Variants in SLC1A2 observed in about 807,000 individuals in gnomAD.
The protein encoded by SLC1A2 is excitatory amino acid transporter 2.
SLC1A2 carries 15 observed loss-of-function variants against 48.8 expected under a neutral mutation model. That is an observed-to-expected ratio of 0.31 (90% CI 0.21 to 0.47). The LOEUF (loss-of-function observed/expected upper bound fraction) is 0.47. Among genes scored for constraint, SLC1A2 ranks in the 20% least tolerant of loss-of-function variants. SLC1A2 has a pLI of 0.99. For missense variants in SLC1A2, 502 were observed against 730.5 expected, an observed-to-expected ratio of 0.69 and a Z score of 3.61; for synonymous variants, 279 against 272.6, an observed-to-expected ratio of 1.02 and a Z score of -0.23.
At chr11:35,304,834 T>C (rs1393240487) in intron 5 of SLC1A2, among the ~76,000 whole-genome samples, 1 of 152,230 alleles carries the variant, frequency 6.6e-6, no homozygotes, top group East Asian at 1.9e-4. Flanking sequence ...TATTATTATG[T>C]CCCATGCAAT....
chr11:35,364,740 A>G (rs1034641321), intron 1 of SLC1A2, among the ~76,000 whole-genome samples: 6 of 152,214 alleles, frequency 3.9e-5, no homozygotes, highest in African/African-American at 1.4e-4. Flanking sequence ...GGTGCCTGGA[A>G]CATCACCTGC....
chr11:35,265,055 TCTCCCAC>T (rs1950458352), intron 10 of SLC1A2: 1 of 158,124 alleles, frequency 6.3e-6, no homozygotes, highest in Non-Finnish European at 1.4e-5. Context: ...TTCACGCCAT[TCTCCCAC>T]CTCAGCCTCC....
rs537943300 is a variant in SLC1A2, at chr11:35,388,760, C to A, written c.17+30190G>T. On this transcript the variant is annotated intron_variant, in intron 1 of 10. Coordinates refer to ENST00000278379, the MANE Select transcript of SLC1A2 (RefSeq NM_004171.4). Reference sequence around the variant, plus strand: ...TGTGAGCATGTAGAGCCTATGCCTCCTTCACATTTGTTTCCCAGCAGGATA... The same window carrying A: ...TGTGAGCATGTAGAGCCTATGCCTCATTCACATTTGTTTCCCAGCAGGATA... 2.0e-5 allele frequency among the ~76,000 whole-genome samples: 3 copies of A among 152,300 alleles called. No individual in the cohort carries two copies. The East Asian group carries it at 5.8e-4, about 29-fold the overall frequency.
chr11:35,383,146 G>A (rs1854484423), intron 1 of SLC1A2, among the ~76,000 whole-genome samples: 2 of 152,132 alleles, frequency 1.3e-5, no homozygotes, highest in African/African-American at 4.8e-5. Flanking sequence ...TGTATTAAAA[G>A]TTATGTCAAA....
intron 1 of SLC1A2, among the ~76,000 whole-genome samples, chr11:35,408,289 C>T (rs551545343): frequency 8.3e-4 from 127 of 152,180 alleles, no homozygotes; most frequent in Non-Finnish European, 1.5e-3. Flanking sequence ...AGTGCCTCAT[C>T]CCCCTTGATA....
At chr11:35,280,083 T>C (rs1189037245) in intron 9 of SLC1A2, among the ~76,000 whole-genome samples, 5 of 152,222 alleles carry the variant, frequency 3.3e-5, no homozygotes, top group Non-Finnish European at 7.3e-5. Flanking sequence ...TTTCTGTCAC[T>C]CCCAAAGGTT....
Position 35,254,137 on chromosome 11 carries a change from G to C in SLC1A2, c.*6757C>G, listed in dbSNP as rs1259154244. The C allele has an allele frequency of 1.3e-5, 2 of 152,620 alleles. No individual in the cohort carries two copies. Among genetic ancestry groups the C allele is most frequent in the African/African-American group, 2.4e-5 (1 of 41,434 alleles). 9.5% of individuals were successfully genotyped at this position (152,620 alleles called of 1,614,324 possible). The stretch of plus-strand genomic sequence containing the variant: ...GCCAAAATATATCTGCTGGCAACAA[G>C]ATCAAGTTAGATTCACAGTTTGCCA... On this transcript the variant is annotated 3_prime_UTR_variant, in exon 11 of 11. Coordinates refer to ENST00000278379, the MANE Select transcript of SLC1A2 (RefSeq NM_004171.4).
chr11:35,363,050 TCACAAAGCAGG>T (rs1853732710), intron 1 of SLC1A2, among the ~76,000 whole-genome samples: 7 of 152,164 alleles, frequency 4.6e-5, no homozygotes, highest in African/African-American at 1.4e-4. Flanking sequence ...TTGCTGAAGT[TCACAAAGCAGG>T]TCAGCGGCAG....
intron 1 of SLC1A2, among the ~76,000 whole-genome samples, chr11:35,334,471 T>G (rs1468414127): frequency 6.6e-6 from 1 of 152,212 alleles, no homozygotes; most frequent in Admixed American, 6.5e-5. Flanking sequence ...AGATGTCACA[T>G]AATTTACAAC....
At chr11:35,415,097 C>G (rs1041177975) in intron 1 of SLC1A2, among the ~76,000 whole-genome samples, 8 of 152,192 alleles carry the variant, frequency 5.3e-5, no homozygotes, top group African/African-American at 1.9e-4. Context: ...ACCCAGAAAT[C>G]TCACACTTAG....
intron 1 of SLC1A2, among the ~76,000 whole-genome samples, chr11:35,329,510 T>G (rs1201470396): frequency 1.3e-5 from 2 of 152,186 alleles, no homozygotes; most frequent in Admixed American, 6.5e-5. Context: ...AATTTTCCTG[T>G]AAAACTAAAA....
chr11:35,260,752 C>A lies in SLC1A2; in HGVS notation c.*142G>T. The stretch of plus-strand genomic sequence containing the variant: ...GCCTGTCATCACTGACTCACAAGAG[C>A]TCCTCTAAGCCTCGGCTAACAGATT... On this transcript the variant is annotated 3_prime_UTR_variant, in exon 11 of 11. Coordinates refer to ENST00000278379, the MANE Select transcript of SLC1A2 (RefSeq NM_004171.4). 1.5e-6 allele frequency: 1 copy of A among 654,526 alleles called. No individual in the cohort carries two copies. The highest frequency in any genetic ancestry group is 2.7e-6 in the Non-Finnish European group (1 of 369,074). 40.5% of individuals were successfully genotyped at this position (654,526 alleles called of 1,614,324 possible).
chr11:35,410,750 T>C (rs1855433626), intron 1 of SLC1A2, among the ~76,000 whole-genome samples: 3 of 152,180 alleles, frequency 2.0e-5, no homozygotes, highest in African/African-American at 7.2e-5. Flanking sequence ...ATCTCTTTCC[T>C]CAATTCAGGA....
intron 1 of SLC1A2, among the ~76,000 whole-genome samples, chr11:35,402,278 A>G (rs983247744): frequency 6.6e-6 from 1 of 151,994 alleles, no homozygotes; most frequent in East Asian, 1.9e-4. Flanking sequence ...CAGGGAGGGG[A>G]GAGGGGCTGG....
chr11:35,325,789 C>T (rs1383258131), intron 1 of SLC1A2, among the ~76,000 whole-genome samples: 1 of 151,920 alleles, frequency 6.6e-6, no homozygotes, highest in East Asian at 1.9e-4. Context: ...ATAGTGAAAC[C>T]CTGTCTCTAC....
At chr11:35,342,006 A>C (rs1047655175) in intron 1 of SLC1A2, among the ~76,000 whole-genome samples, 1 of 152,250 alleles carries the variant, frequency 6.6e-6, no homozygotes, top group Non-Finnish European at 1.5e-5. Flanking sequence ...TGAAAATTGC[A>C]TATGCATGTG....
intron 1 of SLC1A2, among the ~76,000 whole-genome samples, chr11:35,339,873 A>C (rs1318915891): frequency 6.6e-6 from 1 of 152,200 alleles, no homozygotes; most frequent in East Asian, 1.9e-4. Context: ...AGATCACTGT[A>C]TTCTCCTTAG....
At chr11:35,282,096 G>A (rs944999142) in intron 8 of SLC1A2, among the ~76,000 whole-genome samples, 1 of 152,106 alleles carries the variant, frequency 6.6e-6, no homozygotes, top group African/African-American at 2.4e-5. Context: ...TGGAGAGCCT[G>A]TGGTTTGAGC....
At chr11:35,409,074 C>A (rs1855384396) in intron 1 of SLC1A2, among the ~76,000 whole-genome samples, 1 of 152,160 alleles carries the variant, frequency 6.6e-6, no homozygotes, top group Admixed American at 6.5e-5. Context: ...TCAACTGATG[C>A]AAGAAAATAA....
Sources: allele counts gnomAD v4.1 joint callset (sites outside exome capture counted in the v4.1 genomes callset), GRCh38; gene constraint gnomAD v4.1.1; transcripts MANE v1.5; gene names NCBI Gene and HGNC (gene_info 2026-07-23, HGNC 2026-07-21).